PRPF8: variants seen among roughly 807,000 people sequenced by gnomAD.
PRPF8 encodes pre-mRNA-processing-splicing factor 8.
In PRPF8, 64 loss-of-function variants were observed where a neutral mutation model predicts 285.9. That is an observed-to-expected ratio of 0.22 (90% CI 0.18 to 0.28). The LOEUF (loss-of-function observed/expected upper bound fraction) is 0.28, where lower values mean the gene tolerates loss of function less well. Among genes scored for constraint, PRPF8 ranks in the 10% least tolerant of loss-of-function variants. The pLI is 1.00. For missense variants in PRPF8, 1,426 were observed against 3,026.7 expected (o/e 0.47, Z 12.41); for synonymous variants, 1,325 against 1,118.2 (o/e 1.18, Z -3.69).
intron 37 of PRPF8, 83 bp from the exon 38 acceptor site, chr17:1,654,099 G>C: frequency 6.2e-7 from 1 of 1,601,798 alleles, no homozygotes; most frequent in Non-Finnish European, 8.5e-7. Flanking sequence ...TAACTTGGTA[G>C]GACAGGACAG....
rs1247136769 is a variant in PRPF8, at chr17:1,659,062, GT to G, written c.5138+294del. On this transcript the variant is annotated intron_variant, in intron 32 of 42. Coordinates refer to ENST00000304992, the MANE Select transcript of PRPF8 (RefSeq NM_006445.4). The surrounding 1 kb of genome is among the most constrained non-coding windows in gnomAD (Gnocchi z 5.1). ...TTTCTTTGAGATGGAGTCTCACTCT[GT>G]CGCCCAGGCTGGAGTGCAGTGGCGC... The G allele has an allele frequency of 3.6e-6, 2 of 552,328 alleles. No homozygotes were observed. Among genetic ancestry groups the G allele is most frequent in the Non-Finnish European group, 6.3e-6 (2 of 317,290 alleles). 34.2% of individuals were successfully genotyped at this position (552,328 alleles called of 1,614,324 possible).
chr17:1,660,380 T>C (rs1911618106), intron 30 of PRPF8, 52 bp downstream of exon 30: 9 of 1,612,160 alleles, frequency 5.6e-6, no homozygotes, highest in Non-Finnish European at 7.6e-6. Flanking sequence ...CTCCCCTCAA[T>C]TCCACCTGAG....
intron 11 of PRPF8, 24 bp from the exon 12 acceptor site, chr17:1,678,905 C>T (rs372303973): frequency 1.9e-6 from 3 of 1,613,892 alleles, no homozygotes; most frequent in South Asian, 1.1e-5. Context: ...AAAAAACAGA[C>T]AGAACGTGAA....
intron 37 of PRPF8, 113 bp from the exon 38 acceptor site, chr17:1,654,129 C>A: frequency 6.7e-7 from 1 of 1,498,404 alleles, no homozygotes; most frequent in Non-Finnish European, 9.3e-7. Context: ...ACGCCCCAGA[C>A]AATCCACAAG....
At position 1,684,566 on chromosome 17, in the gene PRPF8, G is replaced by C; in HGVS notation, c.6C>G (p.Ala2=). The C allele has an allele frequency of 6.2e-7, 1 of 1,612,484 alleles. No individual in the cohort carries two copies. The highest frequency in any genetic ancestry group is 8.5e-7 in the Non-Finnish European group (1 of 1,179,856). ...CCGGCCCTCGATAAGGAAACACTCC[G>C]GCCATATCCGGAGAATCTGGGGAGC... The part of the protein sequence containing the change: M[A]GVFPYRGPGN... The change falls in exon 2 of 43, where the codon GCC becomes GCG. Residue 2 remains alanine (A), a synonymous_variant. Coordinates refer to ENST00000304992, the MANE Select transcript of PRPF8 (RefSeq NM_006445.4).
intron 24 of PRPF8, among the ~76,000 whole-genome samples, chr17:1,664,303 G>A (rs1001710029): frequency 4.6e-5 from 7 of 152,180 alleles, no homozygotes; most frequent in Non-Finnish European, 7.3e-5. Flanking sequence ...AAACTGCTGG[G>A]ATTACTAGAG....
At chr17:1,667,992 AC>A (rs1288196568) in intron 24 of PRPF8, among the ~76,000 whole-genome samples, 1 of 152,216 alleles carries the variant, frequency 6.6e-6, no homozygotes, top group Non-Finnish European at 1.5e-5. Flanking sequence ...CATGCAATTT[AC>A]CAAGTAATAT....
chr17:1,657,274 T>TA (rs1293389888), intron 34 of PRPF8, among the ~76,000 whole-genome samples: 1 of 152,174 alleles, frequency 6.6e-6, no homozygotes, highest in Non-Finnish European at 1.5e-5. Context: ...GTTGAACGTC[T>TA]AGGAAGCTAA....
chr17:1,655,674 T>C (rs1365044633), intron 36 of PRPF8, 131 bp from the exon 37 acceptor site: 4 of 755,712 alleles, frequency 5.3e-6, no homozygotes, highest in Non-Finnish European at 4.5e-6. Flanking sequence ...TCGCCCAGGC[T>C]GGAGTGCAGT....
At chr17:1,660,914 C>T in intron 28 of PRPF8, 79 bp downstream of exon 28, 1 of 1,612,444 alleles carries the variant, frequency 6.2e-7, no homozygotes, top group East Asian at 2.2e-5. Context: ...CTGGGAAACA[C>T]CACAGGAAAT....
At chr17:1,670,620 G>A (rs62089967) in intron 24 of PRPF8, among the ~76,000 whole-genome samples, 3,794 of 152,218 alleles carry the variant, frequency 0.025, 68 homozygotes, top group Middle Eastern at 0.041. Flanking sequence ...CTGTGTAGCT[G>A]GGATTACAGG....
At chr17:1,674,765 C>A (rs1260503412) in intron 20 of PRPF8, 85 bp from the exon 21 acceptor site, 4 of 1,416,288 alleles carry the variant, frequency 2.8e-6, no homozygotes, top group Non-Finnish European at 3.0e-6. Flanking sequence ...CTCCCCTCAG[C>A]AAATTCTACT....
Position 1,675,394 on chromosome 17 carries a change from G to C in PRPF8, c.2873-55C>G. 1 of 1,587,162 alleles carries C rather than the reference G, an allele frequency of 6.3e-7. No homozygotes were observed. Among genetic ancestry groups the C allele is most frequent in the Non-Finnish European group, 8.6e-7 (1 of 1,156,960 alleles). On this transcript the variant is annotated intron_variant, in intron 19 of 42. Transcript: ENST00000304992. The surrounding 1 kb of genome is among the most constrained non-coding windows in gnomAD (Gnocchi z 6.0). ...GGTTAGAAATCCTCTTGCAAGACTAGCCCCACAGGAACTATCATTACCTTC... is the reference window on the plus strand; with the variant it reads ...GGTTAGAAATCCTCTTGCAAGACTACCCCCACAGGAACTATCATTACCTTC...
rs1912511641 is a variant in PRPF8, at chr17:1,674,543, C to T, written c.3198G>A (p.Gln1066=). 1 of 1,614,178 alleles carries T rather than the reference C, an allele frequency of 6.2e-7. No homozygotes were observed. Among genetic ancestry groups the T allele is most frequent in the East Asian group, 2.2e-5 (1 of 44,882 alleles). The change falls in exon 21 of 43, where the codon CAG becomes CAA. Residue 1066 remains glutamine (Q), a synonymous_variant. Transcript: ENST00000304992. ...HRASEMAGPP[Q]MPNDFLSFQD... ...GGAAACTGAGAAAGTCATTTGGCATCTGAGGGGGCCCAGCCATCTCACTGG... is the reference window on the plus strand; with the variant it reads ...GGAAACTGAGAAAGTCATTTGGCATTTGAGGGGGCCCAGCCATCTCACTGG...
At chr17:1,654,236 C>A in intron 37 of PRPF8, 1 of 672,804 alleles carries the variant, frequency 1.5e-6, no homozygotes, top group Admixed American at 2.2e-5. Flanking sequence ...CACCTTCCCA[C>A]TGTTTAGCAT....
chr17:1,666,627 G>A (rs910878743), intron 24 of PRPF8, among the ~76,000 whole-genome samples: 1 of 151,782 alleles, frequency 6.6e-6, no homozygotes, highest in Non-Finnish European at 1.5e-5. Flanking sequence ...TTGAAAAGCT[G>A]AATAAAACAA....
At position 1,651,193 on chromosome 17, in the gene PRPF8, A is replaced by G. The variant is rs746132385; in HGVS notation, c.6768T>C (p.Tyr2256=). Residue 2256 remains tyrosine, a synonymous_variant, in exon 42 of 43, where the codon TAT becomes TAC. Coordinates refer to ENST00000304992, the MANE Select transcript of PRPF8 (RefSeq NM_006445.4). This position sits in a 1 kb window ranked among gnomAD's most constrained non-coding sequence, Gnocchi z 5.1. ...CCGACAGCAGCATCTGCACCCTCTC[A>G]TAGTGTGAAGGCAGGTAGCCCTTGG... ...NNPKGYLPSH[Y]ERVQMLLSDR... 1.7e-5 allele frequency: 28 copies of G among 1,613,742 alleles called. No individual in the cohort carries two copies. The Admixed American group carries it at 4.7e-4, about 27-fold the overall frequency.
At position 1,681,848 on chromosome 17, in the gene PRPF8, C is replaced by T; in HGVS notation, c.625G>A (p.Asp209Asn). Residue 209 changes from aspartate to asparagine, a missense_variant, in exon 5 of 43, where the codon GAC (aspartate) becomes AAC (asparagine). This residue lies in a region of PRPF8 where 157 missense variants were observed against 159.6 expected (regional missense o/e 0.98). Transcript: ENST00000304992. Reference protein sequence around the residue: ...EDAPVLDWFYDHQPLRDSRKY... With the variant: ...EDAPVLDWFYNHQPLRDSRKY... ...CTGCTGTCCCTCAACGGCTGGTGGT[C>T]ATAGAACCAGTCCAACACAGGGGCG... 1.2e-6 allele frequency: 2 copies of T among 1,614,056 alleles called. No homozygotes were observed. Among genetic ancestry groups the T allele is most frequent in the East Asian group, 4.5e-5 (2 of 44,892 alleles).
Position 1,662,134 on chromosome 17 carries a change from G to A in PRPF8, c.3794C>T (p.Thr1265Ile). ...GTATGTCATAAGGCCAATGAGAGCT[G>A]TATTCCACTTATTCACAATCTAAAG... ...TFTKIVNKWN[T>I]ALIGLMTYFR... Residue 1265 changes from threonine (T) to isoleucine (I), a missense_variant, in exon 25 of 43, where the codon ACA (threonine) becomes ATA (isoleucine). Thr to Ile is a moderately conservative substitution (Grantham distance 89). Around this residue, in one of 34 missense-constraint regions of PRPF8, gnomAD observed 25 missense variants for 106.8 expected, o/e 0.23. Transcript: ENST00000304992. 6.2e-7 allele frequency: 1 copy of A among 1,614,172 alleles called. No homozygotes were observed. Among genetic ancestry groups the A allele is most frequent in the Non-Finnish European group, 8.5e-7 (1 of 1,180,030 alleles).
Sources: gnomAD v4.1 joint callset for allele counts (sites outside exome capture counted in the v4.1 genomes callset) on GRCh38, gnomAD v4.1.1 for gene constraint, gnomAD v4.1.1 regional missense constraint, Gnocchi (gnomAD v3.1) non-coding constraint, MANE v1.5 for transcripts, NCBI Gene and HGNC (gene_info 2026-07-23, HGNC 2026-07-21) for gene names.